Variants in STXBP4 observed in about 807,000 individuals in gnomAD.
STXBP4 encodes the protein syntaxin binding protein 4.
In STXBP4, 55 loss-of-function variants were observed where a neutral mutation model predicts 76.1. The observed-to-expected ratio is 0.72, with a 90% CI of 0.58 to 0.91. The LOEUF is 0.91. STXBP4 is among the 40% of genes least tolerant of loss of function. The pLI is 0.00. For synonymous variants in STXBP4, 201 were observed against 220.2 expected (o/e 0.91, Z 0.77); for missense variants, 618 against 636.9 (o/e 0.97, Z 0.32).
At chr17:55,077,416 C>T (rs569328111) in intron 13 of STXBP4, among the ~76,000 whole-genome samples, 116 of 152,238 alleles carry the variant, frequency 7.6e-4, no homozygotes, top group African/African-American at 2.4e-3. Context: ...AGGAATTATT[C>T]AGGAGAAACT....
At chr17:55,053,768 C>CT (rs538035864) in intron 12 of STXBP4, among the ~76,000 whole-genome samples, 70 of 152,062 alleles carry the variant, frequency 4.6e-4, no homozygotes, top group African/African-American at 1.6e-3. Context: ...ATGGCCAGAT[C>CT]TTTTTACATT....
intron 16 of STXBP4, among the ~76,000 whole-genome samples, chr17:55,128,930 T>C (rs1295765394): frequency 7.0e-6 from 1 of 143,370 alleles, no homozygotes; most frequent in Non-Finnish European, 1.5e-5. Context: ...GGATTCTTTT[T>C]TTTTTTTTTT....
chr17:55,128,497 C>T (rs1373119501), intron 16 of STXBP4, among the ~76,000 whole-genome samples: 1 of 152,230 alleles, frequency 6.6e-6, no homozygotes, highest in African/African-American at 2.4e-5. Context: ...CTTTACTGTG[C>T]CTAACTTTGG....
intron 16 of STXBP4, among the ~76,000 whole-genome samples, chr17:55,140,638 A>G (rs111376103): frequency 3.9e-5 from 6 of 152,210 alleles, no homozygotes; most frequent in African/African-American, 1.4e-4. Flanking sequence ...TTACAGAAAT[A>G]TGGCCAAATA....
intron 17 of STXBP4, among the ~76,000 whole-genome samples, chr17:55,149,062 T>C (rs1234630307): frequency 6.6e-6 from 1 of 152,202 alleles, no homozygotes; most frequent in Non-Finnish European, 1.5e-5. Context: ...CTGGGCATTT[T>C]ATTCTTAATG....
intron 10 of STXBP4, among the ~76,000 whole-genome samples, chr17:55,040,064 A>G (rs961548227): frequency 5.9e-5 from 9 of 152,290 alleles, no homozygotes; most frequent in African/African-American, 9.6e-5. Context: ...TTCTCCATTT[A>G]AGGAGTAGAC....
chr17:54,978,841 A>G (rs2077508400), intron 1 of STXBP4, among the ~76,000 whole-genome samples: 1 of 152,188 alleles, frequency 6.6e-6, no homozygotes, highest in Non-Finnish European at 1.5e-5. Flanking sequence ...TATTTTTAAT[A>G]AATGTAATTT....
intron 7 of STXBP4, among the ~76,000 whole-genome samples, chr17:55,002,366 G>A (rs1375249838): frequency 1.3e-5 from 2 of 152,062 alleles, no homozygotes; most frequent in Admixed American, 6.6e-5. Context: ...AGTACAACGG[G>A]AATTATGAAG....
chr17:55,166,466 ATCT>A lies in STXBP4; in HGVS notation c.*6556_*6558del. The A allele has an allele frequency of 6.6e-6, 1 of 152,176 alleles. No homozygotes were observed. Among genetic ancestry groups the A allele is most frequent in the Non-Finnish European group, 1.5e-5 (1 of 68,046 alleles). The allele number at this position is 152,176 out of a possible 1,614,324, so 9.4% of individuals were successfully genotyped here. A position where few individuals can be genotyped will look rare whatever the true frequency, so the allele number is the denominator to read the frequency against. ...CAGTAGTTCCCTAGCACCTTCTACT[ATCT>A]GAGTCCCTGGCTTTCTCCCTAGCCT... On this transcript the variant is annotated 3_prime_UTR_variant, in exon 18 of 18. Coordinates refer to ENST00000376352, the MANE Select transcript of STXBP4 (RefSeq NM_178509.6).
At chr17:54,970,430 C>T (rs1041020539) in intron 1 of STXBP4, among the ~76,000 whole-genome samples, 1 of 152,164 alleles carries the variant, frequency 6.6e-6, no homozygotes, top group Non-Finnish European at 1.5e-5. Flanking sequence ...AATTGATTAA[C>T]TTGTGGTCAC....
chr17:55,176,803 AAGG>A (rs2080432726), downstream of STXBP4, among the ~76,000 whole-genome samples: 1 of 152,170 alleles, frequency 6.6e-6, no homozygotes, highest in Non-Finnish European at 1.5e-5. Flanking sequence ...GAACAGAGCA[AAGG>A]CAGAGGAAGG....
intron 16 of STXBP4, among the ~76,000 whole-genome samples, chr17:55,111,347 T>C (rs1048223732): frequency 1.3e-5 from 2 of 152,198 alleles, no homozygotes; most frequent in African/African-American, 4.8e-5. Flanking sequence ...ATACCAGTCA[T>C]ATTAGTGTTT....
chr17:55,110,192 ACT>A (rs147834178), intron 16 of STXBP4, among the ~76,000 whole-genome samples: 2,185 of 151,942 alleles, frequency 0.014, 53 homozygotes, highest in African/African-American at 0.049. Flanking sequence ...TCTGACACTG[ACT>A]CTTCTTCTAC....
intron 16 of STXBP4, among the ~76,000 whole-genome samples, chr17:55,083,775 G>A (rs1163901153): frequency 6.6e-6 from 1 of 152,130 alleles, no homozygotes; most frequent in Non-Finnish European, 1.5e-5. Flanking sequence ...GTGGCTCAAG[G>A]CTCCAGCATA....
chr17:55,007,653 T>A, intron 8 of STXBP4, 56 bp downstream of exon 8: 2 of 1,362,322 alleles, frequency 1.5e-6, no homozygotes, highest in Admixed American at 3.9e-5. Flanking sequence ...GAAAGAAGTA[T>A]TCTCCTTCTT....
At chr17:55,144,916 G>C (rs1455244434) in intron 17 of STXBP4, among the ~76,000 whole-genome samples, 3 of 152,184 alleles carry the variant, frequency 2.0e-5, no homozygotes, top group Non-Finnish European at 2.9e-5. Flanking sequence ...AAAAAGGAAA[G>C]TATATTAGCA....
intron 15 of STXBP4, 71 bp from the exon 16 acceptor site, chr17:55,080,979 A>T (rs1165245073): frequency 7.8e-7 from 1 of 1,289,374 alleles, no homozygotes; most frequent in African/African-American, 1.5e-5. Context: ...AACTGATACA[A>T]CTTCAGATTT....
intron 8 of STXBP4, among the ~76,000 whole-genome samples, chr17:55,018,992 C>T (rs997278474): frequency 6.6e-6 from 1 of 152,124 alleles, no homozygotes; most frequent in African/African-American, 2.4e-5. Context: ...TCTGTGTTTT[C>T]AGCTCCTACA....
At chr17:55,072,602 T>A (rs1233067064) in intron 12 of STXBP4, among the ~76,000 whole-genome samples, 1 of 152,182 alleles carries the variant, frequency 6.6e-6, no homozygotes, top group Non-Finnish European at 1.5e-5. Context: ...TTGAGCCCTT[T>A]CTTATTCTTC....
Sources: gnomAD v4.1 joint callset for allele counts (sites outside exome capture counted in the v4.1 genomes callset) on GRCh38, gnomAD v4.1.1 for gene constraint, MANE v1.5 for transcripts, NCBI Gene and HGNC (gene_info 2026-07-23, HGNC 2026-07-21) for gene names.